Variants in GALNT17 observed in about 807,000 individuals in gnomAD.
GALNT17 encodes the protein UDP-GalNAc:polypeptide N-acetylgalactosaminyltransferase-like 3.
Under a neutral mutation model 63.7 loss-of-function variants are expected in GALNT17, and 29 were observed. That is an observed-to-expected ratio of 0.46 (90% confidence interval 0.34 to 0.62). The LOEUF (loss-of-function observed/expected upper bound fraction) is 0.62. Among genes scored for constraint, GALNT17 ranks in the 20% least tolerant of loss-of-function variants. The pLI, the probability that GALNT17 is intolerant of heterozygous loss-of-function variation, is 0.01. For synonymous variants in GALNT17, 305 were observed against 318.3 expected, an observed-to-expected ratio of 0.96 and a Z score of 0.45; for missense variants, 603 against 799.6, an observed-to-expected ratio of 0.75 and a Z score of 2.97.
intron 5 of GALNT17, among the ~76,000 whole-genome samples, chr7:71,426,197 C>T (rs182124442): frequency 6.6e-6 from 1 of 152,228 alleles, no homozygotes; most frequent in African/African-American, 2.4e-5. Flanking sequence ...GTCAGTGGGG[C>T]TGGGGGATTT....
intron 6 of GALNT17, among the ~76,000 whole-genome samples, chr7:71,650,809 C>T (rs1157743289): frequency 6.6e-6 from 1 of 152,170 alleles, no homozygotes; most frequent in Admixed American, 6.5e-5. Flanking sequence ...CCAGCTTCTA[C>T]ACCAAAGGTT....
intron 2 of GALNT17, among the ~76,000 whole-genome samples, chr7:71,372,424 C>T (rs2116279221): frequency 6.6e-6 from 1 of 152,168 alleles, no homozygotes; most frequent in East Asian, 1.9e-4. Context: ...CTCAGTCTCC[C>T]AAAGTGCTGG....
intron 2 of GALNT17, among the ~76,000 whole-genome samples, chr7:71,340,247 C>T (rs75252687): frequency 0.014 from 2,167 of 152,314 alleles, 27 homozygotes; most frequent in Middle Eastern, 0.027. Flanking sequence ...TGCCCTTTCT[C>T]ATCTGGCAGA....
At chr7:71,583,466 T>C (rs1239230562) in intron 6 of GALNT17, among the ~76,000 whole-genome samples, 5 of 152,202 alleles carry the variant, frequency 3.3e-5, no homozygotes, top group Non-Finnish European at 5.9e-5. Flanking sequence ...GAGCTGCAGA[T>C]GATGAGCTGC....
chr7:71,576,567 T>G (rs867890597), intron 6 of GALNT17, among the ~76,000 whole-genome samples: 14 of 71,942 alleles, frequency 1.9e-4, no homozygotes, highest in Admixed American at 5.4e-4. Context: ...GTGTGTGTGT[T>G]TTGTTTGTTT....
chr7:71,202,028 A>G (rs1181743786), intron 1 of GALNT17, among the ~76,000 whole-genome samples: 1 of 151,858 alleles, frequency 6.6e-6, no homozygotes, highest in Non-Finnish European at 1.5e-5. Flanking sequence ...GGTATTTTTT[A>G]CTCCTTATGA....
intron 2 of GALNT17, among the ~76,000 whole-genome samples, chr7:71,340,249 T>C (rs1387820727): frequency 6.6e-6 from 1 of 152,204 alleles, no homozygotes; most frequent in African/African-American, 2.4e-5. Flanking sequence ...CCCTTTCTCA[T>C]CTGGCAGAAT....
chr7:71,474,855 G>A (rs1437161073), intron 5 of GALNT17, among the ~76,000 whole-genome samples: 1 of 152,130 alleles, frequency 6.6e-6, no homozygotes, highest in Non-Finnish European at 1.5e-5. Context: ...GTCTCCAGAT[G>A]GGGAGATTAT....
At chr7:71,485,137 G>A (rs1787889677) in intron 5 of GALNT17, among the ~76,000 whole-genome samples, 2 of 139,158 alleles carry the variant, frequency 1.4e-5, no homozygotes, top group Admixed American at 1.4e-4. Flanking sequence ...ACAGGATCTT[G>A]CTCTGTTGCT....
At chr7:71,422,336 G>T (rs574896150) in intron 5 of GALNT17, among the ~76,000 whole-genome samples, 2 of 152,214 alleles carry the variant, frequency 1.3e-5, no homozygotes, top group South Asian at 2.1e-4. Context: ...AAAGGCTTTT[G>T]TGATTACATT....
chr7:71,493,317 ACC>A (rs1788040372), intron 5 of GALNT17, among the ~76,000 whole-genome samples: 1 of 152,158 alleles, frequency 6.6e-6, no homozygotes, highest in African/African-American at 2.4e-5. Context: ...GCCCCAGTTC[ACC>A]TTCATATTGA....
chr7:71,659,223 G>A (rs551565795), intron 6 of GALNT17, among the ~76,000 whole-genome samples: 1 of 152,290 alleles, frequency 6.6e-6, no homozygotes, highest in African/African-American at 2.4e-5. Flanking sequence ...CCAGCCACAT[G>A]GCTATTCTTT....
chr7:71,590,597 G>C (rs1789783182), intron 6 of GALNT17, among the ~76,000 whole-genome samples: 1 of 152,170 alleles, frequency 6.6e-6, no homozygotes, highest in Non-Finnish European at 1.5e-5. Context: ...TGATGTGCTT[G>C]TTGTCATTTT....
At chr7:71,701,382 G>A (rs1182561066) in intron 9 of GALNT17, among the ~76,000 whole-genome samples, 2 of 151,996 alleles carry the variant, frequency 1.3e-5, no homozygotes, top group African/African-American at 2.4e-5. Context: ...GGCTACTCTG[G>A]AGGCTAAGGC....
intron 5 of GALNT17, among the ~76,000 whole-genome samples, chr7:71,464,150 A>G (rs1787497951): frequency 6.6e-6 from 1 of 152,188 alleles, no homozygotes; most frequent in Non-Finnish European, 1.5e-5. Flanking sequence ...GTGGAAGACT[A>G]CTAATAAGAG....
intron 1 of GALNT17, among the ~76,000 whole-genome samples, chr7:71,272,744 A>G (rs976895538): frequency 1.3e-5 from 2 of 152,216 alleles, no homozygotes; most frequent in South Asian, 4.1e-4. Context: ...GGTGAGAGGC[A>G]GGCACAGTAA....
chr7:71,573,342 A>T (rs900254994), intron 6 of GALNT17, among the ~76,000 whole-genome samples: 5 of 140,316 alleles, frequency 3.6e-5, no homozygotes, highest in African/African-American at 1.3e-4. Flanking sequence ...TTATTTATTT[A>T]TTTTTTGAGA....
At position 71,385,036 on chromosome 7, in the gene GALNT17, T is replaced by G. The variant is rs545587190; in HGVS notation, c.423-3199T>G. ...CTCATATCCCAGAACTCTGGGTGAT[T>G]GGGGTGGGGCAGTGCATGGTGATTG... On this transcript the variant is annotated intron_variant, in intron 2 of 10. Transcript: ENST00000333538. Among the ~76,000 whole-genome samples the G allele has an allele frequency of 2.0e-5, 3 of 152,126 alleles. No individual in the cohort carries two copies. In the South Asian group the frequency reaches 6.2e-4, roughly 32 times the overall value.
At chr7:71,711,926 T>C in intron 10 of GALNT17, 92 bp from the exon 11 acceptor site, 8 of 1,379,678 alleles carry the variant, frequency 5.8e-6, no homozygotes, top group Non-Finnish European at 7.0e-6. Context: ...TCATTTTCTC[T>C]CTCCTGTCTC....
Sources: gnomAD v4.1 joint callset for allele counts (sites outside exome capture counted in the v4.1 genomes callset) on GRCh38, gnomAD v4.1.1 for gene constraint, MANE v1.5 for transcripts, NCBI Gene and HGNC (gene_info 2026-07-23, HGNC 2026-07-21) for gene names.